The following DCDC2C variants were observed in gnomAD, a reference collection of about 807,000 sequenced individuals.
DCDC2C encodes the protein doublecortin domain containing 2C, also known as doublecortin domain-containing protein 2C.
A neutral mutation model predicts 45.0 loss-of-function variants in DCDC2C; 44 were observed. The ratio of observed to expected loss-of-function variants is 0.98; its 90% confidence interval spans 0.77 to 1.26. The LOEUF (loss-of-function observed/expected upper bound fraction) is 1.26. Ranked by LOEUF, DCDC2C falls within the 50% of genes most tolerant of loss-of-function variation. DCDC2C has a pLI of 0.00. For missense variants in DCDC2C, 447 were observed against 468.9 expected (o/e 0.95, Z 0.43); for synonymous variants, 187 against 178.8 (o/e 1.05, Z -0.37).
chr2:3,748,868 TG>T (rs945088950), intron 4 of DCDC2C, among the ~76,000 whole-genome samples: 5 of 152,164 alleles, frequency 3.3e-5, no homozygotes, highest in East Asian at 1.9e-4. Flanking sequence ...AGTCCCTTAA[TG>T]GGGGGAAACT....
intron 6 of DCDC2C, among the ~76,000 whole-genome samples, chr2:3,755,843 T>G (rs1025913876): frequency 8.1e-6 from 1 of 124,062 alleles, no homozygotes; most frequent in Non-Finnish European, 1.9e-5. Context: ...TATGTGTATG[T>G]ATGGATGCAT....
rs186983694 is a variant in DCDC2C at position 3,760,653 on chromosome 2, G to A, written c.726+6019G>A. Among the ~76,000 whole-genome samples the A allele has an allele frequency of 7.2e-5, 11 of 152,232 alleles. No homozygotes were observed. The East Asian group carries it at 1.7e-3, about 24-fold the overall frequency. On this transcript the variant is annotated intron_variant, in intron 6 of 10. Transcript: ENST00000399143. ...TGAGAACACATGGACACAGGGAGGG[G>A]CACATCACACACTGGGGCCTGTTAG...
intron 10 of DCDC2C, among the ~76,000 whole-genome samples, chr2:3,829,694 T>G (rs530993928): frequency 6.0e-4 from 92 of 152,322 alleles, no homozygotes; most frequent in African/African-American, 2.0e-3. Context: ...TTTACTCCCC[T>G]GAACCAGGCT....
At chr2:3,780,916 C>T (rs535537032) in intron 9 of DCDC2C, among the ~76,000 whole-genome samples, 1 of 152,190 alleles carries the variant, frequency 6.6e-6, no homozygotes, top group African/African-American at 2.4e-5. Flanking sequence ...ATATAACTTT[C>T]CGGAAGAGGT....
chr2:3,841,940 TTTCA>T (rs1672225636), intron 10 of DCDC2C, among the ~76,000 whole-genome samples: 1 of 152,196 alleles, frequency 6.6e-6, no homozygotes, highest in Admixed American at 6.5e-5. Context: ...CAAAATGTGC[TTTCA>T]TTGTCATGTC....
chr2:3,707,442 A>G (rs1668092683), intron 1 of DCDC2C, among the ~76,000 whole-genome samples: 1 of 152,240 alleles, frequency 6.6e-6, no homozygotes, highest in African/African-American at 2.4e-5. Context: ...TGAAGAGTGC[A>G]TACAAGGGCC....
Position 3,767,759 on chromosome 2 carries a change from C to T in DCDC2C, c.732C>T (p.Asp244=), listed in dbSNP as rs771954798. 6 of 1,550,598 alleles carry T rather than the reference C, an allele frequency of 3.9e-6. No homozygotes were observed. The South Asian group carries it at 7.1e-5, about 18-fold the overall frequency. Residue 244 remains aspartate, a synonymous_variant, in exon 7 of 11, where the codon GAC becomes GAT. Coordinates refer to ENST00000399143, the MANE Select transcript of DCDC2C (RefSeq NM_001287444.2). ...CTTCTTCATTTGTCCTGTAGGTGGA[C>T]TCCAAAGGAAAAGAACCTTGTAAAT... ...EKNSQRKKKV[D]SKGKEPCKYD...
intron 10 of DCDC2C, among the ~76,000 whole-genome samples, chr2:3,810,287 G>T (rs899008875): frequency 2.0e-5 from 3 of 152,126 alleles, no homozygotes; most frequent in African/African-American, 7.2e-5. Context: ...ATTGCCATTT[G>T]GACTGGTGTG....
rs563941870 is a variant in DCDC2C at position 3,719,081 on chromosome 2, C to T, written c.340-7922C>T. ...CTTACAAAATCCTGCAGGCTTGGTG[C>T]AGCTGTTTCCTTTTTTTTTTTTGGG... On this transcript the variant is annotated intron_variant, in intron 2 of 10. Transcript: ENST00000399143. Among the ~76,000 whole-genome samples, 3 of 151,930 alleles carry T rather than the reference C, an allele frequency of 2.0e-5. No homozygotes were observed. The East Asian group carries it at 5.8e-4, about 29-fold the overall frequency.
chr2:3,842,514 T>C (rs575246898), intron 10 of DCDC2C, among the ~76,000 whole-genome samples: 22 of 151,778 alleles, frequency 1.4e-4, no homozygotes, highest in African/African-American at 5.1e-4. Flanking sequence ...GCAACTAGTT[T>C]GGGGCAGTTG....
intron 10 of DCDC2C, among the ~76,000 whole-genome samples, chr2:3,830,303 T>C (rs1241082987): frequency 6.8e-6 from 1 of 146,346 alleles, no homozygotes; most frequent in Non-Finnish European, 1.5e-5. Context: ...TTATTGGAGG[T>C]TTTTTTTTTT....
intron 8 of DCDC2C, among the ~76,000 whole-genome samples, chr2:3,773,333 A>G (rs991931730): frequency 5.3e-5 from 8 of 151,730 alleles, no homozygotes; most frequent in African/African-American, 1.9e-4. Context: ...AGAATTTTTA[A>G]TTTTTGGTTA....
At chr2:3,826,692 G>A (rs1485593315) in intron 10 of DCDC2C, among the ~76,000 whole-genome samples, 1 of 152,102 alleles carries the variant, frequency 6.6e-6, no homozygotes, top group East Asian at 1.9e-4. Context: ...AATCCCAACA[G>A]CTCCTTCCAC....
intron 1 of DCDC2C, among the ~76,000 whole-genome samples, chr2:3,707,407 A>G (rs1668091824): frequency 6.6e-6 from 1 of 152,222 alleles, no homozygotes; most frequent in South Asian, 2.1e-4. Context: ...TTTATTTGGA[A>G]AACAGGAAGA....
intron 10 of DCDC2C, among the ~76,000 whole-genome samples, chr2:3,840,795 G>T (rs1672192794): frequency 6.6e-6 from 1 of 152,208 alleles, no homozygotes; most frequent in African/African-American, 2.4e-5. Context: ...GTGTGATGTA[G>T]GGCACGGTGC....
rs1255419449 is a variant in DCDC2C at position 3,754,620 on chromosome 2, CAGAG to C, written c.714_717del (p.Lys242TrpfsTer37). 6.5e-7 allele frequency: 1 copy of C among 1,548,806 alleles called. No homozygotes were observed. The highest frequency in any genetic ancestry group is 8.7e-7 in the Non-Finnish European group (1 of 1,146,504). On this transcript the variant is annotated frameshift_variant, in exon 6 of 11. Coordinates refer to ENST00000399143, the MANE Select transcript of DCDC2C (RefSeq NM_001287444.2). LOFTEE classifies it high-confidence loss of function. ...GTATGCGAATGTTGAAAAAAACTCA[CAGAG>C]AAAGAAAAAAGTAAGTAACTTTTTA...
At chr2:3,804,969 T>C (rs982926165) in intron 10 of DCDC2C, among the ~76,000 whole-genome samples, 3 of 152,254 alleles carry the variant, frequency 2.0e-5, no homozygotes, top group Non-Finnish European at 4.4e-5. Flanking sequence ...AGGAGATGAA[T>C]GTGAACACTG....
At chr2:3,721,705 T>C (rs1668508987) in intron 2 of DCDC2C, among the ~76,000 whole-genome samples, 1 of 152,204 alleles carries the variant, frequency 6.6e-6, no homozygotes, top group Admixed American at 6.5e-5. Context: ...CTATGTGTCA[T>C]GAGAGGAACC....
chr2:3,782,022 A>C (rs534059273), intron 9 of DCDC2C, among the ~76,000 whole-genome samples: 67 of 152,326 alleles, frequency 4.4e-4, no homozygotes, highest in African/African-American at 1.6e-3. Flanking sequence ...AGCGGCATTA[A>C]TCACGTTCTC....
Sources: allele counts gnomAD v4.1 joint callset (sites outside exome capture counted in the v4.1 genomes callset), GRCh38; gene constraint gnomAD v4.1.1; transcripts MANE v1.5; gene names NCBI Gene and HGNC (gene_info 2026-07-23, HGNC 2026-07-21).